Variants in SLC9A9 observed in about 807,000 individuals in gnomAD.
SLC9A9 encodes the protein solute carrier family 9 member A9.
A neutral mutation model predicts 77.8 loss-of-function variants in SLC9A9; 62 were observed. The ratio of observed to expected loss-of-function variants is 0.80; its 90% CI spans 0.65 to 0.98. SLC9A9 has a LOEUF of 0.98. SLC9A9 is among the 50% of genes least tolerant of loss of function. The pLI, the probability that SLC9A9 is intolerant of heterozygous loss-of-function variation, is 0.00. For synonymous variants in SLC9A9, 320 were observed against 283.5 expected (o/e 1.13, Z -1.29); for missense variants, 775 against 774.9 (o/e 1.00, Z 0.00).
At chr3:143,324,453 C>A (rs970338756) in intron 14 of SLC9A9, among the ~76,000 whole-genome samples, 3 of 152,142 alleles carry the variant, frequency 2.0e-5, no homozygotes, top group African/African-American at 7.2e-5. Flanking sequence ...GCAGCGTGTG[C>A]CTAGGGCTGA....
At chr3:143,624,720 C>T (rs779176634) in intron 6 of SLC9A9, among the ~76,000 whole-genome samples, 1 of 152,208 alleles carries the variant, frequency 6.6e-6, no homozygotes, top group Non-Finnish European at 1.5e-5. Flanking sequence ...CAGGGATGCC[C>T]TCTCTTACCA....
chr3:143,641,561 T>C (rs960942253), intron 6 of SLC9A9, among the ~76,000 whole-genome samples: 2 of 151,584 alleles, frequency 1.3e-5, no homozygotes, highest in African/African-American at 4.8e-5. Context: ...GCCCAGCTAA[T>C]TTTTTGTATT....
intron 4 of SLC9A9, among the ~76,000 whole-genome samples, chr3:143,776,363 A>T (rs1351869525): frequency 3.9e-5 from 6 of 152,294 alleles, no homozygotes; most frequent in Non-Finnish European, 2.9e-5. Flanking sequence ...AAGGGCATTT[A>T]CCCCCAGTAC....
intron 5 of SLC9A9, among the ~76,000 whole-genome samples, chr3:143,656,069 A>T (rs1217550144): frequency 6.6e-6 from 1 of 152,174 alleles, no homozygotes; most frequent in East Asian, 1.9e-4. Flanking sequence ...CAGAAGGGGA[A>T]TGTGTCTTTT....
chr3:143,558,158 T>C (rs745738622), intron 8 of SLC9A9, among the ~76,000 whole-genome samples: 17 of 152,192 alleles, frequency 1.1e-4, no homozygotes, highest in African/African-American at 1.7e-4. Context: ...AAGTTAATAA[T>C]TGAGATTTGG....
chr3:143,592,265 G>A (rs1192146233), intron 6 of SLC9A9, among the ~76,000 whole-genome samples: 3 of 152,172 alleles, frequency 2.0e-5, no homozygotes, highest in African/African-American at 4.8e-5. Context: ...AGTGGCTCAC[G>A]CCTGTAATCC....
chr3:143,389,491 T>C (rs2033504114), intron 12 of SLC9A9, among the ~76,000 whole-genome samples: 1 of 152,154 alleles, frequency 6.6e-6, no homozygotes, highest in African/African-American at 2.4e-5. Flanking sequence ...ACTTGAATGG[T>C]TTGCCCTACC....
chr3:143,777,304 A>G (rs2007722647), intron 4 of SLC9A9, among the ~76,000 whole-genome samples: 1 of 152,220 alleles, frequency 6.6e-6, no homozygotes, highest in Admixed American at 6.5e-5. Context: ...CCAAATTCTA[A>G]GTATCAAACT....
chr3:143,717,886 T>C (rs532128159), intron 4 of SLC9A9, among the ~76,000 whole-genome samples: 1 of 152,196 alleles, frequency 6.6e-6, no homozygotes, highest in South Asian at 2.1e-4. Context: ...CAAATGGCCT[T>C]GTCCATTTGC....
At chr3:143,830,247 A>T (rs2009401848) in intron 2 of SLC9A9, among the ~76,000 whole-genome samples, 2 of 152,190 alleles carry the variant, frequency 1.3e-5, no homozygotes, top group African/African-American at 4.8e-5. Flanking sequence ...AGGAGGACTT[A>T]GTCAGGTTGC....
chr3:143,477,992 G>A lies in SLC9A9; in HGVS notation c.1316-10802C>T, dbSNP rs369201532. The stretch of plus-strand genomic sequence containing the variant: ...CCCTAACTTTCTGTGGCTTTCTCTC[G>A]CTCTAGCTCTGCCCCTTTCTCCAGC... On this transcript the variant is annotated intron_variant, in intron 11 of 15. Transcript: ENST00000316549. Among the ~76,000 whole-genome samples the A allele has an allele frequency of 1.8e-4, 28 of 152,246 alleles. No homozygotes were observed. In the East Asian group the frequency reaches 2.9e-3, roughly 16 times the overall value.
intron 4 of SLC9A9, among the ~76,000 whole-genome samples, chr3:143,699,267 G>T (rs776212622): frequency 6.6e-6 from 1 of 152,022 alleles, no homozygotes; most frequent in Non-Finnish European, 1.5e-5. Flanking sequence ...AGAGCAAGAC[G>T]GTAGAACAGA....
chr3:143,493,678 G>A lies in SLC9A9; in HGVS notation c.1290C>T (p.Asn430=). ...NLGRKQKIPW[N]FQHMMMFSGL... is the part of the protein sequence containing the mutation. ...CTGAAAACATCATCATGTGCTGAAA[G>A]TTCCAGGGGATCTTCTGTTTTCGGC... Residue 430 remains asparagine (N), a synonymous_variant, in exon 11 of 16, where the codon AAC becomes AAT. Coordinates refer to ENST00000316549, the MANE Select transcript of SLC9A9 (RefSeq NM_173653.4). 6.2e-7 allele frequency: 1 copy of A among 1,614,034 alleles called. No individual in the cohort carries two copies. The highest frequency in any genetic ancestry group is 8.5e-7 in the Non-Finnish European group (1 of 1,179,890).
intron 4 of SLC9A9, among the ~76,000 whole-genome samples, chr3:143,698,914 A>C (rs1933717580): frequency 6.6e-6 from 1 of 152,226 alleles, no homozygotes; most frequent in Non-Finnish European, 1.5e-5. Context: ...GGGAAAACCC[A>C]GGATCTACAT....
At chr3:143,311,552 G>A (rs1357566092) in intron 14 of SLC9A9, among the ~76,000 whole-genome samples, 3 of 152,196 alleles carry the variant, frequency 2.0e-5, no homozygotes, top group Non-Finnish European at 4.4e-5. Flanking sequence ...TCTACTCTAA[G>A]TAACTACACT....
intron 5 of SLC9A9, among the ~76,000 whole-genome samples, chr3:143,686,411 A>T (rs1205274254): frequency 6.6e-6 from 1 of 152,130 alleles, no homozygotes. Context: ...TAAGGCACGG[A>T]CAGGGGATAG....
intron 11 of SLC9A9, among the ~76,000 whole-genome samples, chr3:143,481,964 A>C (rs1212444135): frequency 1.3e-5 from 2 of 152,194 alleles, no homozygotes; most frequent in Non-Finnish European, 2.9e-5. Flanking sequence ...CTGCTGGATA[A>C]GGTCACTTTG....
At chr3:143,442,550 G>A (rs543971759) in intron 12 of SLC9A9, among the ~76,000 whole-genome samples, 2 of 152,182 alleles carry the variant, frequency 1.3e-5, no homozygotes, top group East Asian at 1.9e-4. Flanking sequence ...GGGAAACCCC[G>A]TCTCTACTAA....
intron 9 of SLC9A9, chr3:143,517,815 C>T (rs1358055725): frequency 5.6e-6 from 9 of 1,600,424 alleles, no homozygotes; most frequent in Non-Finnish European, 7.6e-6. Context: ...TTGATGGCAT[C>T]TGTGAATAAG....
Sources: gnomAD v4.1 joint callset for allele counts (sites outside exome capture counted in the v4.1 genomes callset) on GRCh38, gnomAD v4.1.1 for gene constraint, MANE v1.5 for transcripts, NCBI Gene and HGNC (gene_info 2026-07-23, HGNC 2026-07-21) for gene names.